AGBL5: variants seen among roughly 807,000 people sequenced by gnomAD.
The protein encoded by AGBL5 is AGBL carboxypeptidase 5.
AGBL5 carries 51 observed loss-of-function variants against 88.0 expected under a neutral mutation model. The observed-to-expected ratio is 0.58, with a 90% CI of 0.46 to 0.73. The LOEUF is 0.73. Among genes scored for constraint, AGBL5 ranks in the 30% least tolerant of loss-of-function variants. The pLI is 0.00. For synonymous variants in AGBL5, 446 were observed against 438.8 expected (o/e 1.02, Z -0.21); for missense variants, 1,031 against 1,162.2 (o/e 0.89, Z 1.64).
At chr2:27,064,728 T>C (rs1319430344) in intron 11 of AGBL5, among the ~76,000 whole-genome samples, 1 of 151,090 alleles carries the variant, frequency 6.6e-6, no homozygotes, top group African/African-American at 2.4e-5. Context: ...TTCAATTTTT[T>C]TTTTTTCCAT....
intron 13 of AGBL5, 57 bp downstream of exon 13, chr2:27,068,801 T>G: frequency 6.2e-7 from 1 of 1,600,654 alleles, no homozygotes; most frequent in Non-Finnish European, 8.5e-7. Flanking sequence ...AAGGCACTGT[T>G]CCTCTGGGTA....
At position 27,052,876 on chromosome 2, in the gene AGBL5, C is replaced by T. The variant is rs1220634624; in HGVS notation, c.-46-37C>T. 3.1e-6 allele frequency: 4 copies of T among 1,274,318 alleles called. No homozygotes were observed. In the East Asian group the frequency reaches 1.0e-4, roughly 33 times the overall value. 78.9% of individuals were successfully genotyped at this position (1,274,318 alleles called of 1,614,324 possible). ...CCCAGAAAACTCTTCGATTTGTCTT[C>T]CCTTTCCTCCTTAACCTAACCCTTG... On this transcript the variant is annotated intron_variant, in intron 1 of 14. Transcript: ENST00000360131.
intron 11 of AGBL5, among the ~76,000 whole-genome samples, chr2:27,067,291 C>G (rs547491455): frequency 6.7e-6 from 1 of 148,814 alleles, no homozygotes; most frequent in East Asian, 2.0e-4. Flanking sequence ...AGGATGAAGG[C>G]TGGTGGAGAA....
rs1440049986 is a variant in AGBL5, at chr2:27,070,440, T to C, written c.*177T>C. 6.6e-6 allele frequency: 4 copies of C among 601,694 alleles called. No homozygotes were observed. In the East Asian group the frequency reaches 1.1e-4, roughly 17 times the overall value. 37.3% of individuals were successfully genotyped at this position (601,694 alleles called of 1,614,324 possible). On this transcript the variant is annotated 3_prime_UTR_variant, in exon 15 of 15. Coordinates refer to ENST00000360131, the MANE Select transcript of AGBL5 (RefSeq NM_021831.6). ...CTTGAGACAGAACAAAACAGGGACC[T>C]GCCACCCCTTCCCTCCCTCCGCAGC...
intron 13 of AGBL5, chr2:27,069,193 G>T: frequency 7.4e-7 from 1 of 1,349,686 alleles, no homozygotes; most frequent in South Asian, 1.3e-5. Flanking sequence ...GGCAGAGGCT[G>T]ACTGGATGGG....
chr2:27,055,401 C>T, intron 6 of AGBL5, 148 bp downstream of exon 6: 3 of 1,148,354 alleles, frequency 2.6e-6, no homozygotes, highest in Non-Finnish European at 3.7e-6. Context: ...CCTGAGAAAG[C>T]ATGAGATCAT....
chr2:27,051,199 A>C (rs140506701), upstream of AGBL5, among the ~76,000 whole-genome samples: 114 of 152,292 alleles, frequency 7.5e-4, no homozygotes, highest in African/African-American at 2.7e-3. Context: ...AAAGGGAAAG[A>C]ACTAAGCAGC....
Position 27,053,449 on chromosome 2 carries a change from T to C in AGBL5, c.263T>C (p.Ile88Thr), listed in dbSNP as rs1478401842. The C allele has an allele frequency of 6.2e-7, 1 of 1,614,042 alleles. No homozygotes were observed. The highest frequency in any genetic ancestry group is 8.5e-7 in the Non-Finnish European group (1 of 1,180,014). ...SVRGGMPGKLIKINIMNMNKQ... is the reference protein window; with the variant it reads ...SVRGGMPGKLTKINIMNMNKQ... ...CGGGGAGGAATGCCAGGAAAACTCA[T>C]CAAGATCAACATTATGAACATGAAC... The change falls in exon 3 of 15, where the codon ATC becomes ACC. Residue 88 changes from isoleucine (I) to threonine (T), a missense_variant. Physicochemically the swap from Ile to Thr is moderately conservative, Grantham distance 89 (BLOSUM62 -1). Transcript: ENST00000360131. This position sits in a 1 kb window ranked among gnomAD's most constrained non-coding sequence, Gnocchi z 4.9.
intron 10 of AGBL5, 128 bp from the exon 11 acceptor site, chr2:27,059,062 T>A: frequency 1.1e-6 from 1 of 878,962 alleles, no homozygotes; most frequent in Non-Finnish European, 1.8e-6. Flanking sequence ...ATTCCTCACT[T>A]CTTCCTTGGG....
In AGBL5 at chr2:27,055,252, C is replaced by T. The variant is rs887824792; in HGVS notation, c.907C>T (p.Arg303Cys). ...NPDGVVRGHY[R>C]TDSRGVNLNR... The stretch of plus-strand genomic sequence containing the variant: ...CGATGGTGTGGTCCGGGGACACTAC[C>T]GGTAAGTGGCTTCCCCAGCCTGTCT... Residue 303 changes from arginine to cysteine, a missense_variant and splice_region_variant, in exon 6 of 15, where the codon CGC becomes TGC. Coordinates refer to ENST00000360131, the MANE Select transcript of AGBL5 (RefSeq NM_021831.6). 6.8e-6 allele frequency: 11 copies of T among 1,613,684 alleles called. No individual in the cohort carries two copies. The highest frequency in any genetic ancestry group is 1.3e-5 in the African/African-American group (1 of 74,918).
At position 27,053,931 on chromosome 2, in the gene AGBL5, T is replaced by C. The variant is rs1229476218; in HGVS notation, c.423T>C (p.His141=). ...TETQFVLSFV[H]RFVEGRGATT... ...CGCAGTTTGTGTTATCCTTTGTTCA[T>C]CGTTTCGTGGAGGGCCGTGGGGCCA... The change falls in exon 4 of 15, where the codon CAT becomes CAC. Residue 141 remains histidine (H), a synonymous_variant. Transcript: ENST00000360131. This position sits in a 1 kb window ranked among gnomAD's most constrained non-coding sequence, Gnocchi z 4.9. 6.2e-7 allele frequency: 1 copy of C among 1,614,010 alleles called. No homozygotes were observed.
At position 27,056,711 on chromosome 2, in the gene AGBL5, A is replaced by G; in HGVS notation, c.1454A>G (p.Tyr485Cys). 6.2e-7 allele frequency: 1 copy of G among 1,613,994 alleles called. No homozygotes were observed. Among genetic ancestry groups the G allele is most frequent in the South Asian group, 1.1e-5 (1 of 91,064 alleles). The change falls in exon 8 of 15, where the codon TAT (tyrosine) becomes TGT (cysteine). Residue 485 changes from tyrosine (Y) to cysteine (C), a missense_variant. Tyr to Cys is a radical substitution (Grantham distance 194). This residue lies in a region of AGBL5 where 540 missense variants were observed against 678.2 expected (regional missense o/e 0.80). Transcript: ENST00000360131. ...TGCAATTTCTCAGAGAAGAATATGTATGCCCGAGACCGTAGAGATGGCCAG... is the reference window on the plus strand; with the variant it reads ...TGCAATTTCTCAGAGAAGAATATGTGTGCCCGAGACCGTAGAGATGGCCAG... ...QGCNFSEKNM[Y>C]ARDRRDGQSK...
intron 13 of AGBL5, chr2:27,069,358 C>T (rs1198274541): frequency 3.0e-6 from 3 of 985,242 alleles, no homozygotes; most frequent in Admixed American, 1.2e-4. Context: ...CGTTTGCCAC[C>T]CCTAGTTATA....
chr2:27,059,323 C>T lies in AGBL5; in HGVS notation c.2008C>T (p.His670Tyr). The T allele has an allele frequency of 6.2e-7, 1 of 1,614,252 alleles. No homozygotes were observed. The highest frequency in any genetic ancestry group is 8.5e-7 in the Non-Finnish European group (1 of 1,180,048). Residue 670 changes from histidine (H) to tyrosine (Y), a missense_variant, in exon 11 of 15, where the codon CAT becomes TAT. By Grantham distance (83) the His-to-Tyr change is moderately conservative (BLOSUM62 2). This residue lies in a region of AGBL5 where 491 missense variants were observed against 484.0 expected (regional missense o/e 1.01). Transcript: ENST00000360131. ...QMKNSPSFPF[H>Y]GSRPAGLPGL... ...GAAGAATTCCCCCAGCTTTCCTTTT[C>T]ATGGCAGTCGGCCTGCAGGGCTGCC...
rs1049659174 is a variant in AGBL5 at position 27,068,865 on chromosome 2, A to G, written c.2355+121A>G. ...TACTGCATCTACCCTTGGCCACATC[A>G]GAGAGCTTCTCTGGTGCCTGAGTGC... On this transcript the variant is annotated intron_variant, in intron 13 of 14. Coordinates refer to ENST00000360131, the MANE Select transcript of AGBL5 (RefSeq NM_021831.6). The G allele has an allele frequency of 1.5e-5, 22 of 1,510,848 alleles. No individual in the cohort carries two copies. The Admixed American group carries it at 4.0e-4, about 28-fold the overall frequency. 93.6% of individuals were successfully genotyped at this position (1,510,848 alleles called of 1,614,324 possible).
Position 27,053,281 on chromosome 2 carries a change from A to G in AGBL5, c.215+108A>G, listed in dbSNP as rs1421517832. 2 of 1,521,524 alleles carry G rather than the reference A, an allele frequency of 1.3e-6. No homozygotes were observed. The highest frequency in any genetic ancestry group is 2.8e-5 in the African/African-American group (2 of 72,380). The allele number at this position is 1,521,524 out of a possible 1,614,324, so 94.3% of individuals were successfully genotyped here. ...CATACTCCCTGTCCATTTCTGACCC[A>G]TCGTCCCTCCTTTCTCCTTGCCAAA... On this transcript the variant is annotated intron_variant, in intron 2 of 14. Coordinates refer to ENST00000360131, the MANE Select transcript of AGBL5 (RefSeq NM_021831.6). The surrounding 1 kb of genome is among the most constrained non-coding windows in gnomAD (Gnocchi z 4.9).
Position 27,070,106 on chromosome 2 carries a change from G to A in AGBL5, c.2504G>A (p.Arg835Lys), listed in dbSNP as rs1341462864. ...CSATPGLPQA[R>K]PPRPRSAPAF... ...TTCTGTTGCAGGCTGCCTCAGGCCA[G>A]GCCCCCACGGCCCCGCTCTGCCCCT... Residue 835 changes from arginine (R) to lysine (K), a missense_variant, in exon 15 of 15, where the codon AGG becomes AAG. By Grantham distance (26) the Arg-to-Lys change is conservative (BLOSUM62 2). This residue lies in a region of AGBL5 where 491 missense variants were observed against 484.0 expected (regional missense o/e 1.01). Transcript: ENST00000360131. 3.1e-6 allele frequency: 5 copies of A among 1,613,332 alleles called. No homozygotes were observed. The Admixed American group carries it at 6.7e-5, about 22-fold the overall frequency.
intron 11 of AGBL5, among the ~76,000 whole-genome samples, chr2:27,064,752 CTTTTTTTTTTTT>C (rs58558379): frequency 1.6e-5 from 1 of 62,762 alleles, no homozygotes; most frequent in Non-Finnish European, 2.7e-5. Flanking sequence ...GGTTTGGAAC[CTTTTTTTTTTTT>C]TTTTTTTTTT....
rs750561695 is a variant in AGBL5, at chr2:27,070,089, C to G, written c.2490-3C>G. 3.1e-6 allele frequency: 5 copies of G among 1,608,888 alleles called. No individual in the cohort carries two copies. The highest frequency in any genetic ancestry group is 4.3e-6 in the Non-Finnish European group (5 of 1,176,054). On this transcript the variant is annotated splice_polypyrimidine_tract_variant and splice_region_variant and intron_variant, in intron 14 of 14. Coordinates refer to ENST00000360131, the MANE Select transcript of AGBL5 (RefSeq NM_021831.6). ...CCTGATTCCTCTCTCTTTTCTGTTG[C>G]AGGCTGCCTCAGGCCAGGCCCCCAC...
Sources: gnomAD v4.1 joint callset for allele counts (sites outside exome capture counted in the v4.1 genomes callset) on GRCh38, gnomAD v4.1.1 for gene constraint, gnomAD v4.1.1 regional missense constraint, Gnocchi (gnomAD v3.1) non-coding constraint, MANE v1.5 for transcripts, NCBI Gene and HGNC (gene_info 2026-07-23, HGNC 2026-07-21) for gene names.